Variants in CCDC92 observed in about 807,000 individuals in gnomAD.
The protein encoded by CCDC92 is coiled-coil domain-containing protein 92.
CCDC92 carries 12 observed loss-of-function variants against 24.9 expected under a neutral mutation model. The ratio of observed to expected loss-of-function variants is 0.48; its 90% CI spans 0.31 to 0.78. The LOEUF is 0.78. CCDC92 is among the 30% of genes least tolerant of loss of function. The pLI, the probability that CCDC92 is intolerant of heterozygous loss-of-function variation, is 0.05. For missense variants in CCDC92, 399 were observed against 439.4 expected, an observed-to-expected ratio of 0.91 and a Z score of 0.82; for synonymous variants, 193 against 196.3, an observed-to-expected ratio of 0.98 and a Z score of 0.14.
chr12:123,947,195 C>T lies in CCDC92; in HGVS notation c.-59-2831G>A, dbSNP rs555465115. Among the ~76,000 whole-genome samples the T allele has an allele frequency of 3.1e-4, 47 of 152,296 alleles. 1 individual carries two copies. The highest frequency in any genetic ancestry group is 1.0e-3 in the African/African-American group (42 of 41,578). On this transcript the variant is annotated intron_variant, in intron 1 of 4. Transcript: ENST00000238156. ...TCTCACCAGGCCTTAGCTGCCTTCC[C>T]GCAGGGCAGGGCTCGGGACCTGCAG...
Position 123,935,662 on chromosome 12 carries a change from A to G in CCDC92, c.*1396T>C. ...ATTAACCTGAATGGTTTTGTTTTTA[A>G]TACTACTTTTTAAAAGGAATTTATA... On this transcript the variant is annotated 3_prime_UTR_variant, in exon 5 of 5. Coordinates refer to ENST00000238156, the MANE Select transcript of CCDC92 (RefSeq NM_025140.3). 1.8e-6 allele frequency: 1 copy of G among 569,716 alleles called. No individual in the cohort carries two copies. The highest frequency in any genetic ancestry group is 2.9e-5 in the East Asian group (1 of 34,920). The allele number at this position is 569,716 out of a possible 1,614,324, so 35.3% of individuals were successfully genotyped here.
At chr12:123,938,617 T>C (rs759915877) in intron 4 of CCDC92, among the ~76,000 whole-genome samples, 2 of 152,206 alleles carry the variant, frequency 1.3e-5, no homozygotes, top group African/African-American at 2.4e-5. Flanking sequence ...CTACTCCTCC[T>C]AACGCTGGCT....
chr12:123,966,109 C>T (rs1163904825), intron 1 of CCDC92: 1 of 152,128 alleles, frequency 6.6e-6, no homozygotes, highest in Non-Finnish European at 1.5e-5. Flanking sequence ...AGATTTGGTA[C>T]ATTAAGTGTG....
intron 1 of CCDC92, chr12:123,966,317 T>C (rs1356653261): frequency 6.6e-6 from 1 of 152,214 alleles, no homozygotes; most frequent in African/African-American, 2.4e-5. Flanking sequence ...TACCTATAAA[T>C]GTAACCATGA....
chr12:123,951,910 A>G (rs1052157991), intron 1 of CCDC92, among the ~76,000 whole-genome samples: 6 of 152,234 alleles, frequency 3.9e-5, no homozygotes, highest in Non-Finnish European at 5.9e-5. Flanking sequence ...GAAATCTTCA[A>G]CATCAGGCAT....
Position 123,965,031 on chromosome 12 carries a change from C to T in CCDC92, c.-60+7498G>A, listed in dbSNP as rs945086607. Among the ~76,000 whole-genome samples the T allele has an allele frequency of 5.9e-5, 9 of 152,144 alleles. No homozygotes were observed. The South Asian group carries it at 8.3e-4, about 14-fold the overall frequency. ...ACATCTCGTCACCTGACAATCCCCACGGATGAGCTGCTGGGTCTTTTTTTG... is the reference window on the plus strand; with the variant it reads ...ACATCTCGTCACCTGACAATCCCCATGGATGAGCTGCTGGGTCTTTTTTTG... On this transcript the variant is annotated intron_variant, in intron 1 of 4. Coordinates refer to ENST00000238156, the MANE Select transcript of CCDC92 (RefSeq NM_025140.3).
chr12:123,941,680 C>T (rs185718063), intron 4 of CCDC92, among the ~76,000 whole-genome samples: 4 of 152,372 alleles, frequency 2.6e-5, no homozygotes, highest in Admixed American at 6.5e-5. Context: ...TGCCCCGGCA[C>T]GCCTGCGCAG....
At position 123,936,946 on chromosome 12, in the gene CCDC92, G is replaced by T; in HGVS notation, c.*112C>A. On this transcript the variant is annotated 3_prime_UTR_variant, in exon 5 of 5. Transcript: ENST00000238156. Reference sequence around the variant, plus strand: ...AAGAGAAGCAGAAGGAGAATGGGTCGGTAGGTGTGAAAAGTGTTTGGCATG... The same window carrying T: ...AAGAGAAGCAGAAGGAGAATGGGTCTGTAGGTGTGAAAAGTGTTTGGCATG... The T allele has an allele frequency of 2.5e-6, 3 of 1,178,700 alleles. No individual in the cohort carries two copies. Among genetic ancestry groups the T allele is most frequent in the Non-Finnish European group, 3.6e-6 (3 of 823,044 alleles). The allele number at this position is 1,178,700 out of a possible 1,614,324, so 73.0% of individuals were successfully genotyped here.
intron 1 of CCDC92, among the ~76,000 whole-genome samples, chr12:123,947,266 G>T (rs1955898892): frequency 6.6e-6 from 1 of 152,172 alleles, no homozygotes; most frequent in South Asian, 2.1e-4. Context: ...CTCCTGTGCT[G>T]CCCGAGCCTC....
intron 1 of CCDC92, chr12:123,971,378 T>G (rs1172966804): frequency 6.7e-6 from 1 of 148,832 alleles, no homozygotes; most frequent in African/African-American, 2.5e-5. Context: ...TCTTTTTCCT[T>G]ACAATGCAAT....
chr12:123,955,865 G>A (rs1396377027), intron 1 of CCDC92, among the ~76,000 whole-genome samples: 1 of 152,160 alleles, frequency 6.6e-6, no homozygotes, highest in East Asian at 1.9e-4. Flanking sequence ...CCTATAACAG[G>A]CATCAGAGAA....
chr12:123,972,114 G>A (rs1254792807), intron 1 of CCDC92: 1 of 152,146 alleles, frequency 6.6e-6, no homozygotes, highest in African/African-American at 2.4e-5. Context: ...GGAGCGCCCC[G>A]GGACCGGCCT....
intron 1 of CCDC92, among the ~76,000 whole-genome samples, chr12:123,967,853 C>T (rs925825687): frequency 2.0e-5 from 3 of 152,174 alleles, no homozygotes; most frequent in African/African-American, 7.2e-5. Context: ...AATGACTTCT[C>T]ATAAACTCTC....
chr12:123,955,394 C>A (rs147031547), intron 1 of CCDC92, among the ~76,000 whole-genome samples: 1 of 152,276 alleles, frequency 6.6e-6, no homozygotes, highest in Non-Finnish European at 1.5e-5. Context: ...ATCCCAAATG[C>A]CAAATCATCA....
chr12:123,970,969 T>G (rs1212785291), intron 1 of CCDC92, among the ~76,000 whole-genome samples: 3 of 152,260 alleles, frequency 2.0e-5, no homozygotes, highest in East Asian at 3.9e-4. Context: ...ATTTTGCAAT[T>G]TATCCAACAT....
At chr12:123,971,870 G>C (rs572838550) in intron 1 of CCDC92, 5 of 152,102 alleles carry the variant, frequency 3.3e-5, no homozygotes, top group African/African-American at 4.8e-5. Context: ...GCTTCAGGAA[G>C]GGGCTGGCAA....
chr12:123,969,909 G>A (rs900396237), intron 1 of CCDC92: 1 of 151,962 alleles, frequency 6.6e-6, no homozygotes, highest in African/African-American at 2.4e-5. Flanking sequence ...TTTTCCTCTT[G>A]ATTCAATGTT....
At chr12:123,948,925 G>T (rs1955952511) in intron 1 of CCDC92, among the ~76,000 whole-genome samples, 1 of 152,282 alleles carries the variant, frequency 6.6e-6, no homozygotes, top group East Asian at 1.9e-4. Context: ...ATGATGTCAT[G>T]CTCCCAGTAC....
At position 123,972,327 on chromosome 12, in the gene CCDC92, G is replaced by A. The variant is rs1347103168; in HGVS notation, c.-60+202C>T. ...TTCGCCCGGGGCCACCCCTGCCCCT[G>A]GGGGAGCTAACGTGGCTCCCAAGCC... On this transcript the variant is annotated intron_variant, in intron 1 of 4. Coordinates refer to ENST00000238156, the MANE Select transcript of CCDC92 (RefSeq NM_025140.3). Among the ~76,000 whole-genome samples, 5 of 152,088 alleles carry A rather than the reference G, an allele frequency of 3.3e-5. No individual in the cohort carries two copies. The South Asian group carries it at 1.0e-3, about 31-fold the overall frequency.
Sources: gnomAD v4.1 joint callset for allele counts (sites outside exome capture counted in the v4.1 genomes callset) on GRCh38, gnomAD v4.1.1 for gene constraint, MANE v1.5 for transcripts, NCBI Gene and HGNC (gene_info 2026-07-23, HGNC 2026-07-21) for gene names.